DSCAML1: variants seen among roughly 807,000 people sequenced by gnomAD.
DSCAML1 encodes DS cell adhesion molecule like 1.
In DSCAML1, 38 loss-of-function variants were observed where a neutral mutation model predicts 200.5. The ratio of observed to expected loss-of-function variants is 0.19; its 90% CI spans 0.15 to 0.25. The LOEUF is 0.25. Ranked by LOEUF, DSCAML1 falls within the 10% of genes least tolerant of loss-of-function variation. The pLI, the probability that DSCAML1 is intolerant of heterozygous loss-of-function variation, is 1.00. For synonymous variants in DSCAML1, 1,215 were observed against 1,165.0 expected, an observed-to-expected ratio of 1.04 and a Z score of -0.87; for missense variants, 2,223 against 2,858.8, an observed-to-expected ratio of 0.78 and a Z score of 5.07.
intron 3 of DSCAML1, among the ~76,000 whole-genome samples, chr11:117,631,632 T>C (rs2052175809): frequency 6.6e-6 from 1 of 152,164 alleles, no homozygotes; most frequent in Non-Finnish European, 1.5e-5. Context: ...ATATCAGACA[T>C]AGGGAGCAGG....
intron 3 of DSCAML1, among the ~76,000 whole-genome samples, chr11:117,534,519 C>A (rs2050133035): frequency 6.6e-6 from 1 of 152,212 alleles, no homozygotes. Flanking sequence ...CCAGCCGAAA[C>A]CCGTGTTCCT....
chr11:117,637,726 G>T (rs139259704), intron 3 of DSCAML1, among the ~76,000 whole-genome samples: 38 of 152,314 alleles, frequency 2.5e-4, no homozygotes, highest in African/African-American at 8.2e-4. Context: ...GGGAAAAGTG[G>T]CAAAGGAAAT....
Position 117,518,505 on chromosome 11 carries a change from C to T in DSCAML1, c.1471G>A (p.Val491Met). The T allele has an allele frequency of 6.2e-7, 1 of 1,614,222 alleles. No individual in the cohort carries two copies. Residue 491 changes from valine (V) to methionine (M), a missense_variant, in exon 7 of 33, where the codon GTG (valine) becomes ATG (methionine). By Grantham distance (21) the Val-to-Met change is conservative. This residue lies in a region of DSCAML1 where 579 missense variants were observed against 721.5 expected (regional missense o/e 0.80). Transcript: ENST00000651296. The surrounding 1 kb of genome is among the most constrained non-coding windows in gnomAD (Gnocchi z 6.3). ...CGCGCCTGATATTCAGCACTGCCCA[C>T]CAAGTTCCGCGCTGTGCACCGGTAC... ...GVYRCTARNL[V>M]GSAEYQARIN... is the part of the protein sequence containing the mutation.
intron 3 of DSCAML1, among the ~76,000 whole-genome samples, chr11:117,682,040 C>A (rs532278950): frequency 6.6e-6 from 1 of 152,292 alleles, no homozygotes; most frequent in African/African-American, 2.4e-5. Context: ...CAGAGTGGTT[C>A]TCGATGACAG....
intron 27 of DSCAML1, among the ~76,000 whole-genome samples, chr11:117,435,328 A>G (rs1445184026): frequency 6.6e-6 from 1 of 152,228 alleles, no homozygotes; most frequent in Admixed American, 6.5e-5. Flanking sequence ...TCCAGTGTGG[A>G]AAGGAGCAAC....
chr11:117,462,314 C>G (rs1224042515), intron 17 of DSCAML1, among the ~76,000 whole-genome samples: 8 of 152,226 alleles, frequency 5.3e-5, no homozygotes, highest in Non-Finnish European at 1.2e-4. Context: ...CCTCTGAGAG[C>G]CACCTTTGAG....
At chr11:117,468,871 G>T (rs2048633370) in intron 16 of DSCAML1, among the ~76,000 whole-genome samples, 1 of 152,224 alleles carries the variant, frequency 6.6e-6, no homozygotes, top group Non-Finnish European at 1.5e-5. Flanking sequence ...GAGCCCAGAA[G>T]AAGGACTCAA....
chr11:117,617,220 C>A (rs2051827572), intron 3 of DSCAML1, among the ~76,000 whole-genome samples: 1 of 152,158 alleles, frequency 6.6e-6, no homozygotes, highest in South Asian at 2.1e-4. Context: ...TCCTAAGGAA[C>A]TGGGGACACC....
intron 11 of DSCAML1, among the ~76,000 whole-genome samples, chr11:117,484,907 G>T (rs1360005164): frequency 7.3e-6 from 1 of 137,280 alleles, no homozygotes; most frequent in East Asian, 2.0e-4. Flanking sequence ...GTGTGTGTGT[G>T]TGTGTGTGTG....
Position 117,532,982 on chromosome 11 carries a change from AT to A in DSCAML1, c.512-461del, listed in dbSNP as rs1487601929. Among the ~76,000 whole-genome samples the A allele has an allele frequency of 7.4e-5, 11 of 148,834 alleles. No homozygotes were observed. The East Asian group carries it at 8.0e-4, about 11-fold the overall frequency. On this transcript the variant is annotated intron_variant, in intron 3 of 32. Coordinates refer to ENST00000651296, the MANE Select transcript of DSCAML1 (RefSeq NM_020693.4). ...ACCCTGTCTATTAAAAAAAAAAAAA[AT>A]TAAACAATTAGCTGGGTTTGGTAGG...
chr11:117,767,938 G>T (rs1344349317), intron 3 of DSCAML1, among the ~76,000 whole-genome samples: 1 of 152,102 alleles, frequency 6.6e-6, no homozygotes, highest in Non-Finnish European at 1.5e-5. Flanking sequence ...ATACACTTAT[G>T]GACTCATACA....
intron 3 of DSCAML1, among the ~76,000 whole-genome samples, chr11:117,590,168 T>G (rs1431338132): frequency 6.6e-6 from 1 of 152,146 alleles, no homozygotes; most frequent in Non-Finnish European, 1.5e-5. Flanking sequence ...ATCACTTTTT[T>G]TAAAAATGAA....
intron 3 of DSCAML1, among the ~76,000 whole-genome samples, chr11:117,677,000 CT>C (rs1420376190): frequency 1.3e-5 from 2 of 151,950 alleles, no homozygotes; most frequent in Admixed American, 6.5e-5. Flanking sequence ...CCGGAGACCC[CT>C]GATCAGTGAT....
intron 3 of DSCAML1, among the ~76,000 whole-genome samples, chr11:117,551,158 C>T (rs557150971): frequency 4.6e-5 from 7 of 152,228 alleles, no homozygotes; most frequent in South Asian, 2.1e-4. Flanking sequence ...TCCCTAAAAA[C>T]GTGTAAAGAA....
chr11:117,596,468 A>G (rs1349269807), intron 3 of DSCAML1, among the ~76,000 whole-genome samples: 3 of 150,106 alleles, frequency 2.0e-5, no homozygotes, highest in South Asian at 2.1e-4. Context: ...GAGAGAGAGA[A>G]GAGGGGAGCC....
At chr11:117,456,240 T>C (rs558713629) in intron 19 of DSCAML1, among the ~76,000 whole-genome samples, 22 of 152,326 alleles carry the variant, frequency 1.4e-4, no homozygotes, top group African/African-American at 3.8e-4. Context: ...CAGGGGCAGC[T>C]GATATTCAGA....
intron 3 of DSCAML1, among the ~76,000 whole-genome samples, chr11:117,693,543 A>G (rs1007963302): frequency 6.6e-6 from 1 of 152,186 alleles, no homozygotes; most frequent in Non-Finnish European, 1.5e-5. Context: ...TTGTTAAACT[A>G]CATTCTTTGG....
chr11:117,474,697 C>T (rs554964812), intron 14 of DSCAML1, among the ~76,000 whole-genome samples: 10 of 152,168 alleles, frequency 6.6e-5, no homozygotes, highest in Admixed American at 5.9e-4. Flanking sequence ...TTGACTCTTC[C>T]TTCTCCCTTT....
At chr11:117,560,938 G>A (rs1225889449) in intron 3 of DSCAML1, among the ~76,000 whole-genome samples, 3 of 152,210 alleles carry the variant, frequency 2.0e-5, no homozygotes, top group East Asian at 1.9e-4. Flanking sequence ...CCTGGACCAA[G>A]AGCTCTCCTG....
Sources: gnomAD v4.1 joint callset for allele counts (sites outside exome capture counted in the v4.1 genomes callset) on GRCh38, gnomAD v4.1.1 for gene constraint, gnomAD v4.1.1 regional missense constraint, Gnocchi (gnomAD v3.1) non-coding constraint, MANE v1.5 for transcripts, NCBI Gene and HGNC (gene_info 2026-07-23, HGNC 2026-07-21) for gene names.